NELFB: variants seen among roughly 807,000 people sequenced by gnomAD.
The protein encoded by NELFB is negative elongation factor B.
Under a neutral mutation model 60.2 loss-of-function variants are expected in NELFB, and 34 were observed. The observed-to-expected ratio is 0.56, with a 90% CI of 0.43 to 0.75. The LOEUF (loss-of-function observed/expected upper bound fraction) is 0.75, where lower values mean the gene tolerates loss of function less well. Among genes scored for constraint, NELFB ranks in the 30% least tolerant of loss-of-function variants. NELFB has a pLI of 0.00. For synonymous variants in NELFB, 459 were observed against 382.1 expected, an observed-to-expected ratio of 1.20 and a Z score of -2.35; for missense variants, 770 against 831.6, an observed-to-expected ratio of 0.93 and a Z score of 0.91.
chr9:137,259,463 TC>T (rs1454628880), intron 4 of NELFB, among the ~76,000 whole-genome samples: 1 of 152,068 alleles, frequency 6.6e-6, no homozygotes, highest in Non-Finnish European at 1.5e-5. Flanking sequence ...TTTTTCTTGT[TC>T]CATTGCTGTC....
intron 4 of NELFB, among the ~76,000 whole-genome samples, chr9:137,261,199 GCGTGGTGGTGGGTGCCTGTAGT>G (rs1830436272): frequency 6.6e-6 from 1 of 151,218 alleles, no homozygotes; most frequent in South Asian, 2.1e-4. Flanking sequence ...AATTAGCTGG[GCGTGGTGGTGGGTGCCTGTAGT>G]CCCAGCTGCT....
At chr9:137,262,425 CTT>C (rs1362104805) in intron 4 of NELFB, among the ~76,000 whole-genome samples, 2 of 152,194 alleles carry the variant, frequency 1.3e-5, no homozygotes, top group East Asian at 3.9e-4. Flanking sequence ...GGCTCGCACT[CTT>C]GTCTTCTGGT....
At chr9:137,272,683 T>C (rs773560417) in intron 12 of NELFB, 68 bp downstream of exon 12, 2 of 1,535,180 alleles carry the variant, frequency 1.3e-6, no homozygotes, top group Non-Finnish European at 1.8e-6. Context: ...CTTGCCAAGC[T>C]GCCCTTGTGG....
chr9:137,260,043 A>ATTTAT (rs200182725), intron 4 of NELFB, among the ~76,000 whole-genome samples: 8 of 141,288 alleles, frequency 5.7e-5, no homozygotes, highest in Admixed American at 1.4e-4. Context: ...TTTTATTTTT[A>ATTTAT]TTTATTTTAT....
At position 137,266,408 on chromosome 9, in the gene NELFB, C is replaced by G. The variant is rs1396715580; in HGVS notation, c.1221C>G (p.Val407=). The G allele has an allele frequency of 1.2e-6, 2 of 1,612,788 alleles. No homozygotes were observed. The highest frequency in any genetic ancestry group is 1.1e-5 in the South Asian group (1 of 91,088). The change falls in exon 8 of 13, where the codon GTC becomes GTG. Residue 407 remains valine, a synonymous_variant. Transcript: ENST00000343053. ...CCTGGGACATGATCGACAGCCAGGTCTTCAAGGAGCCCAAGATGGTAACGA... is the reference window on the plus strand; with the variant it reads ...CCTGGGACATGATCGACAGCCAGGTGTTCAAGGAGCCCAAGATGGTAACGA...
chr9:137,256,151 C>G, intron 2 of NELFB, 81 bp downstream of exon 2: 1 of 1,489,812 alleles, frequency 6.7e-7, no homozygotes, highest in Admixed American at 1.7e-5. Flanking sequence ...ATTTATTGTC[C>G]TTTTGGCTCC....
chr9:137,255,721 G>A, intron 1 of NELFB, 110 bp downstream of exon 1: 1 of 1,433,950 alleles, frequency 7.0e-7, no homozygotes, highest in Non-Finnish European at 9.5e-7. Flanking sequence ...GCTGGTGGCT[G>A]AGTCCTGTTC....
chr9:137,256,857 G>C lies in NELFB; in HGVS notation c.544G>C (p.Asp182His). 1 of 1,614,192 alleles carries C rather than the reference G, an allele frequency of 6.2e-7. No homozygotes were observed. Among genetic ancestry groups the C allele is most frequent in the Non-Finnish European group, 8.5e-7 (1 of 1,180,050 alleles). The change falls in exon 4 of 13, where the codon GAC (aspartate) becomes CAC (histidine). Residue 182 changes from aspartate (D) to histidine (H), a missense_variant. Asp to His is a moderately conservative substitution (Grantham distance 81). Transcript: ENST00000343053. ...GAAAAAACTGAAGCTGGTTATGGCT[G>C]ACAAGGAGCTGTATCGAGCCTGCGC...
At chr9:137,266,556 GC>G in intron 8 of NELFB, 130 bp downstream of exon 8, 1 of 799,960 alleles carries the variant, frequency 1.3e-6, no homozygotes, top group African/African-American at 1.7e-5. Context: ...TCCTGGAGCT[GC>G]CCACCTTCCT....
intron 10 of NELFB, among the ~76,000 whole-genome samples, chr9:137,270,107 G>A (rs572634088): frequency 1.3e-5 from 2 of 152,092 alleles, no homozygotes; most frequent in East Asian, 1.9e-4. Context: ...CCCTCAGCAC[G>A]ATGTCTGGGT....
At position 137,269,605 on chromosome 9, in the gene NELFB, T is replaced by A. The variant is rs1830558590; in HGVS notation, c.1489+2259T>A. ...CTCTATTTAGATACACAGTTGCCATTGTGTCCCAGCAGCCTTCAGTACTCA... is the reference window on the plus strand; with the variant it reads ...CTCTATTTAGATACACAGTTGCCATAGTGTCCCAGCAGCCTTCAGTACTCA... On this transcript the variant is annotated intron_variant, in intron 10 of 12. Transcript: ENST00000343053. This position sits in a 1 kb window ranked among gnomAD's most constrained non-coding sequence, Gnocchi z 5.3. Among the ~76,000 whole-genome samples the A allele has an allele frequency of 6.6e-6, 1 of 152,216 alleles. No homozygotes were observed. The highest frequency in any genetic ancestry group is 2.4e-5 in the African/African-American group (1 of 41,462).
intron 10 of NELFB, among the ~76,000 whole-genome samples, chr9:137,268,992 A>G (rs549835262): frequency 2.5e-4 from 38 of 152,302 alleles, no homozygotes; most frequent in Non-Finnish European, 5.3e-4. Flanking sequence ...CTGTGCTAAC[A>G]GCGAGAACGC....
Position 137,266,982 on chromosome 9 carries a change from G to A in NELFB, c.1278G>A (p.Met426Ile), listed in dbSNP as rs766227640. The A allele has an allele frequency of 2.5e-6, 4 of 1,613,864 alleles. No individual in the cohort carries two copies. Among genetic ancestry groups the A allele is most frequent in the South Asian group, 1.1e-5 (1 of 91,086 alleles). Residue 426 changes from methionine (M) to isoleucine (I), a missense_variant, in exon 9 of 13, where the codon ATG (methionine) becomes ATA (isoleucine). By Grantham distance (10) the Met-to-Ile change is conservative (BLOSUM62 1). Transcript: ENST00000343053. ...TCACCAGGTTCCTCCCGATGCTCAT[G>A]TCCTTCCTGGTGGATGACTACACTT...
intron 4 of NELFB, among the ~76,000 whole-genome samples, chr9:137,259,298 C>T (rs902372883): frequency 2.6e-5 from 4 of 152,236 alleles, no homozygotes; most frequent in Non-Finnish European, 4.4e-5. Context: ...AACTACTGCA[C>T]TTCAAACGCT....
chr9:137,263,258 T>G (rs753888718), intron 5 of NELFB, 36 bp downstream of exon 5: 10 of 1,552,948 alleles, frequency 6.4e-6, no homozygotes, highest in Middle Eastern at 1.8e-4. Context: ...CCTACCCTCC[T>G]GAAGGTAGTG....
chr9:137,263,301 C>T (rs1267118277), intron 5 of NELFB, 79 bp downstream of exon 5: 12 of 1,363,272 alleles, frequency 8.8e-6, no homozygotes, highest in African/African-American at 1.5e-5. Context: ...TCCCACTCCC[C>T]GGCCCTCCCT....
chr9:137,257,877 C>T (rs1035263204), intron 4 of NELFB, among the ~76,000 whole-genome samples: 1 of 151,478 alleles, frequency 6.6e-6, no homozygotes, highest in Non-Finnish European at 1.5e-5. Flanking sequence ...GGCGTGATCA[C>T]GACTCGCTGC....
chr9:137,256,264 G>A, intron 2 of NELFB, 65 bp from the exon 3 acceptor site: 2 of 1,502,528 alleles, frequency 1.3e-6, no homozygotes, highest in South Asian at 1.1e-5. Context: ...ATCTGTGTAG[G>A]GACAGGCAGG....
intron 6 of NELFB, among the ~76,000 whole-genome samples, chr9:137,264,815 T>C (rs902063838): frequency 6.6e-6 from 1 of 152,068 alleles, no homozygotes; most frequent in Non-Finnish European, 1.5e-5. Context: ...GCCCACAGCT[T>C]AGGGACATGG....
Sources: allele counts gnomAD v4.1 joint callset (sites outside exome capture counted in the v4.1 genomes callset), GRCh38; gene constraint gnomAD v4.1.1; non-coding constraint Gnocchi (gnomAD v3.1); transcripts MANE v1.5; gene names NCBI Gene and HGNC (gene_info 2026-07-23, HGNC 2026-07-21).